Variants in KLHL24 observed in about 807,000 individuals in gnomAD.
The protein encoded by KLHL24 is kelch like family member 24.
KLHL24 carries 29 observed loss-of-function variants against 53.4 expected under a neutral mutation model. The ratio of observed to expected loss-of-function variants is 0.54; its 90% CI spans 0.40 to 0.74. The LOEUF (loss-of-function observed/expected upper bound fraction) is 0.74. Ranked by LOEUF, KLHL24 falls within the 30% of genes least tolerant of loss-of-function variation. The pLI is 0.00. For synonymous variants in KLHL24, 222 were observed against 253.7 expected, an observed-to-expected ratio of 0.88 and a Z score of 1.19; for missense variants, 504 against 744.0, an observed-to-expected ratio of 0.68 and a Z score of 3.75.
chr3:183,676,339 G>A (rs1028062790), intron 7 of KLHL24, among the ~76,000 whole-genome samples: 3 of 152,030 alleles, frequency 2.0e-5, no homozygotes, highest in African/African-American at 4.8e-5. Context: ...TAGGTGATCC[G>A]CCTGCCTCGG....
chr3:183,647,071 A>G (rs1003035723), intron 2 of KLHL24, among the ~76,000 whole-genome samples: 5 of 149,606 alleles, frequency 3.3e-5, no homozygotes, highest in Non-Finnish European at 7.4e-5. Flanking sequence ...TCGGTCTTCC[A>G]AAGTGCTGGG....
intron 5 of KLHL24, among the ~76,000 whole-genome samples, chr3:183,667,177 T>C (rs1321062636): frequency 2.0e-5 from 3 of 152,180 alleles, no homozygotes; most frequent in Non-Finnish European, 4.4e-5. Flanking sequence ...CCCAGCACTT[T>C]GGGAGGCCAA....
intron 1 of KLHL24, among the ~76,000 whole-genome samples, chr3:183,639,053 T>C (rs573968823): frequency 6.6e-6 from 1 of 151,972 alleles, no homozygotes; most frequent in South Asian, 2.1e-4. Context: ...ATACAAAAAT[T>C]AGCCGGGTGT....
At chr3:183,658,698 G>A (rs539679106) in intron 3 of KLHL24, among the ~76,000 whole-genome samples, 5 of 152,032 alleles carry the variant, frequency 3.3e-5, no homozygotes, top group Non-Finnish European at 5.9e-5. Flanking sequence ...GCCTACTTCT[G>A]CACTCCTTTG....
intron 1 of KLHL24, among the ~76,000 whole-genome samples, chr3:183,638,056 C>A (rs1184221419): frequency 6.6e-6 from 1 of 152,178 alleles, no homozygotes; most frequent in East Asian, 1.9e-4. Context: ...CTTTAAAATT[C>A]CAGAGGAGAT....
intron 7 of KLHL24, among the ~76,000 whole-genome samples, chr3:183,677,841 GA>G (rs200354632): frequency 0.019 from 2,903 of 152,118 alleles, 89 homozygotes; most frequent in African/African-American, 0.067. Flanking sequence ...ACCCAGACTG[GA>G]GTGCAGTGGC....
chr3:183,665,617 GC>G (rs1560175416), intron 5 of KLHL24, among the ~76,000 whole-genome samples: 1 of 151,994 alleles, frequency 6.6e-6, no homozygotes, highest in Non-Finnish European at 1.5e-5. Flanking sequence ...GGGGTTGGTG[GC>G]GGGTGCCTGT....
chr3:183,665,682 G>A (rs970068567), intron 5 of KLHL24, among the ~76,000 whole-genome samples: 3 of 151,994 alleles, frequency 2.0e-5, no homozygotes, highest in Admixed American at 6.6e-5. Flanking sequence ...CCCGGGAGGC[G>A]GAGGTTGCAG....
chr3:183,650,288 A>C lies in KLHL24; in HGVS notation c.-61-8A>C, dbSNP rs928700099. 1.9e-5 allele frequency: 24 copies of C among 1,253,178 alleles called. No individual in the cohort carries two copies. Among genetic ancestry groups the C allele is most frequent in the African/African-American group, 4.5e-5 (3 of 65,956 alleles). The allele number at this position is 1,253,178 out of a possible 1,614,324, so 77.6% of individuals were successfully genotyped here. A position where few individuals can be genotyped will look rare whatever the true frequency, so the allele number is the denominator to read the frequency against. Reference sequence around the variant, plus strand: ...CATATTGAAATGTTTTCCTTTTTTTACTTTTAGCCACATAAAGAAGATCCC... The same window carrying C: ...CATATTGAAATGTTTTCCTTTTTTTCCTTTTAGCCACATAAAGAAGATCCC... On this transcript the variant is annotated splice_region_variant and splice_polypyrimidine_tract_variant and intron_variant, in intron 2 of 7. Transcript: ENST00000242810. The surrounding 1 kb of genome is among the most constrained non-coding windows in gnomAD (Gnocchi z 4.5).
At chr3:183,638,178 A>T (rs552369361) in intron 1 of KLHL24, among the ~76,000 whole-genome samples, 1 of 152,252 alleles carries the variant, frequency 6.6e-6, no homozygotes, top group Non-Finnish European at 1.5e-5. Context: ...ACCTTTTGAA[A>T]AAGTAAAACC....
At chr3:183,673,835 T>C (rs1356189549) in intron 7 of KLHL24, among the ~76,000 whole-genome samples, 1 of 152,226 alleles carries the variant, frequency 6.6e-6, no homozygotes, top group African/African-American at 2.4e-5. Flanking sequence ...CAGTTTATAC[T>C]CTTTCCTGAA....
At chr3:183,670,142 G>A (rs1286444446) in intron 5 of KLHL24, among the ~76,000 whole-genome samples, 5 of 152,142 alleles carry the variant, frequency 3.3e-5, no homozygotes, top group Non-Finnish European at 5.9e-5. Context: ...ATACACACCT[G>A]TGGTTTCAGC....
chr3:183,653,572 T>A (rs1029625233), intron 3 of KLHL24, among the ~76,000 whole-genome samples: 32 of 152,244 alleles, frequency 2.1e-4, no homozygotes, highest in African/African-American at 5.8e-4. Flanking sequence ...GACAGGTTTT[T>A]GCAATTTAGG....
At position 183,679,141 on chromosome 3, in the gene KLHL24, G is replaced by A. The variant is rs372685468; in HGVS notation, c.1658G>A (p.Arg553Gln). Reference sequence around the variant, plus strand: ...AAAATATATATCCTGGGCGGAAGACGGGAAAATGGAGAAGCCACAGACACT... The same window carrying A: ...AAAATATATATCCTGGGCGGAAGACAGGAAAATGGAGAAGCCACAGACACT... The part of the protein sequence containing the change: ...NGKIYILGGR[R>Q]ENGEATDTIL... The change falls in exon 8 of 8, where the codon CGG becomes CAG. Residue 553 changes from arginine to glutamine, a missense_variant. Coordinates refer to ENST00000242810, the MANE Select transcript of KLHL24 (RefSeq NM_017644.3). The A allele has an allele frequency of 5.9e-5, 95 of 1,613,788 alleles. No individual in the cohort carries two copies. The African/African-American group carries it at 1.1e-3, about 18-fold the overall frequency.
rs943577654 is a variant in KLHL24, at chr3:183,679,758, G to A, written c.*472G>A. The A allele has an allele frequency of 2.6e-5, 4 of 154,078 alleles. No homozygotes were observed. The highest frequency in any genetic ancestry group is 7.2e-5 in the African/African-American group (3 of 41,450). 9.5% of individuals were successfully genotyped at this position (154,078 alleles called of 1,614,324 possible). A position where few individuals can be genotyped will look rare whatever the true frequency, so the allele number is the denominator to read the frequency against. ...GAAAAAATCAGTTTTAAAAACCTTT[G>A]TTGTTAACAAAGTATATCCAGATTG... On this transcript the variant is annotated 3_prime_UTR_variant, in exon 8 of 8. Coordinates refer to ENST00000242810, the MANE Select transcript of KLHL24 (RefSeq NM_017644.3).
chr3:183,665,695 A>C (rs978774603), intron 5 of KLHL24, among the ~76,000 whole-genome samples: 1 of 152,166 alleles, frequency 6.6e-6, no homozygotes, highest in Non-Finnish European at 1.5e-5. Context: ...GGTTGCAGTG[A>C]GCCAAGATCG....
At chr3:183,675,047 A>G (rs143376818) in intron 7 of KLHL24, among the ~76,000 whole-genome samples, 5 of 152,304 alleles carry the variant, frequency 3.3e-5, no homozygotes, top group Non-Finnish European at 5.9e-5. Flanking sequence ...CCTTATGGGT[A>G]TAAATGTTTA....
At chr3:183,635,960 G>T (rs1331884234) in intron 1 of KLHL24, among the ~76,000 whole-genome samples, 167 bp downstream of exon 1, 1 of 152,146 alleles carries the variant, frequency 6.6e-6, no homozygotes, top group African/African-American at 2.4e-5. Flanking sequence ...GGGCCTCCAG[G>T]GTTCACCTGG....
rs1720060026 is a variant in KLHL24, at chr3:183,663,278, CT to C, written c.921-179del. Among the ~76,000 whole-genome samples, 2 of 152,114 alleles carry C rather than the reference CT, an allele frequency of 1.3e-5. No homozygotes were observed. The highest frequency in any genetic ancestry group is 1.3e-4 in the Admixed American group (2 of 15,274). ...TGGAATAATGATGTCACTAGCTCCC[CT>C]ATAAACGTTCTCAAAGTAAGTAATT... On this transcript the variant is annotated intron_variant, in intron 3 of 7. Coordinates refer to ENST00000242810, the MANE Select transcript of KLHL24 (RefSeq NM_017644.3). The surrounding 1 kb of genome is among the most constrained non-coding windows in gnomAD (Gnocchi z 4.9).
Sources: allele counts gnomAD v4.1 joint callset (sites outside exome capture counted in the v4.1 genomes callset), GRCh38; gene constraint gnomAD v4.1.1; non-coding constraint Gnocchi (gnomAD v3.1); transcripts MANE v1.5; gene names NCBI Gene and HGNC (gene_info 2026-07-23, HGNC 2026-07-21).